Variants in NCEH1 observed in about 807,000 individuals in gnomAD.
NCEH1 encodes the protein neutral cholesterol ester hydrolase 1, also known as 2-acetyl MAGE hydrolase.
NCEH1 carries 9 observed loss-of-function variants against 25.4 expected under a neutral mutation model. The ratio of observed to expected loss-of-function variants is 0.35; its 90% CI spans 0.21 to 0.62. The LOEUF (loss-of-function observed/expected upper bound fraction) is 0.62. NCEH1 is among the 20% of genes least tolerant of loss of function. NCEH1 has a pLI of 0.72. For synonymous variants in NCEH1, 200 were observed against 199.8 expected (o/e 1.00, Z -0.01); for missense variants, 412 against 501.1 (o/e 0.82, Z 1.70).
At chr3:172,636,210 T>C in intron 3 of NCEH1, 123 bp from the exon 4 acceptor site, 3 of 554,082 alleles carry the variant, frequency 5.4e-6, no homozygotes, top group Non-Finnish European at 9.4e-6. Context: ...AATGGAATTA[T>C]TGTATGAAAA....
At chr3:172,670,624 T>C (rs1230797413) in intron 1 of NCEH1, among the ~76,000 whole-genome samples, 1 of 152,210 alleles carries the variant, frequency 6.6e-6, no homozygotes, top group African/African-American at 2.4e-5. Context: ...TGAATAAAGC[T>C]ATTTTTATAA....
At chr3:172,701,707 G>A (rs867599277) in intron 1 of NCEH1, among the ~76,000 whole-genome samples, 50 of 144,882 alleles carry the variant, frequency 3.5e-4, no homozygotes, top group South Asian at 1.5e-3. Context: ...CTTGTGATCC[G>A]CCTGCCTCAG....
chr3:172,659,289 A>G (rs1717855387), intron 1 of NCEH1, among the ~76,000 whole-genome samples: 1 of 119,968 alleles, frequency 8.3e-6, no homozygotes, highest in African/African-American at 4.7e-5. Flanking sequence ...CGGGAGGCTG[A>G]GAGCAAAAGG....
chr3:172,705,940 G>A (rs1490582421), intron 1 of NCEH1, among the ~76,000 whole-genome samples: 1 of 148,404 alleles, frequency 6.7e-6, no homozygotes, highest in African/African-American at 2.5e-5. Context: ...GGAGGTTGCA[G>A]TGAGCTGAGA....
At chr3:172,709,438 A>G (rs1398978550) in intron 1 of NCEH1, among the ~76,000 whole-genome samples, 1 of 152,218 alleles carries the variant, frequency 6.6e-6, no homozygotes, top group Admixed American at 6.5e-5. Flanking sequence ...GGCTTCCTAC[A>G]ACAAGACTGA....
intron 1 of NCEH1, among the ~76,000 whole-genome samples, chr3:172,651,481 A>T (rs1717402339): frequency 6.6e-6 from 1 of 152,086 alleles, no homozygotes; most frequent in Admixed American, 6.5e-5. Flanking sequence ...TACTTCTTTG[A>T]AGGGCTATGA....
chr3:172,694,661 G>C (rs1476810173), intron 1 of NCEH1, among the ~76,000 whole-genome samples: 1 of 152,182 alleles, frequency 6.6e-6, no homozygotes, highest in Non-Finnish European at 1.5e-5. Flanking sequence ...GTGGGGCCCT[G>C]ACAGGCCCAT....
chr3:172,687,291 G>A (rs1712752084), intron 1 of NCEH1, among the ~76,000 whole-genome samples: 1 of 152,084 alleles, frequency 6.6e-6, no homozygotes, highest in Non-Finnish European at 1.5e-5. Flanking sequence ...TCCTGGCTCA[G>A]TTTTCACCCC....
At chr3:172,699,130 G>C (rs1448689833) in intron 1 of NCEH1, among the ~76,000 whole-genome samples, 1 of 152,192 alleles carries the variant, frequency 6.6e-6, no homozygotes, top group Non-Finnish European at 1.5e-5. Flanking sequence ...CCAAGGAAGG[G>C]CAGTGAGAGG....
intron 3 of NCEH1, 56 bp downstream of exon 3, chr3:172,645,567 G>T: frequency 9.2e-7 from 1 of 1,086,388 alleles, no homozygotes; most frequent in Non-Finnish European, 1.4e-6. Context: ...TAACCAGACT[G>T]TTATCTAGAA....
intron 1 of NCEH1, among the ~76,000 whole-genome samples, chr3:172,654,912 T>C (rs1452551168): frequency 1.3e-5 from 2 of 152,234 alleles, no homozygotes; most frequent in African/African-American, 2.4e-5. Flanking sequence ...GAACATTTAT[T>C]TATCTGCATG....
Position 172,652,708 on chromosome 3 carries a change from T to C in NCEH1, c.139-4594A>G, listed in dbSNP as rs138712707. ...AAAGTTTCCTGAAACCTCTATTTCT[T>C]TTTTTTAGACAGAGTCTCACTCTGT... On this transcript the variant is annotated intron_variant, in intron 1 of 4. Coordinates refer to ENST00000475381, the MANE Select transcript of NCEH1 (RefSeq NM_020792.6). 3.1e-3 allele frequency among the ~76,000 whole-genome samples: 467 copies of C among 152,244 alleles called. 1 individual carries two copies. Among genetic ancestry groups the C allele is most frequent in the African/African-American group, 0.01 (422 of 41,548 alleles).
intron 1 of NCEH1, among the ~76,000 whole-genome samples, chr3:172,677,693 C>T (rs1050929480): frequency 2.0e-5 from 3 of 152,214 alleles, no homozygotes; most frequent in Admixed American, 1.3e-4. Flanking sequence ...CTTTGGGAGG[C>T]CGAGGCGGGC....
chr3:172,659,031 CG>C (rs562732251), intron 1 of NCEH1, among the ~76,000 whole-genome samples: 1 of 151,812 alleles, frequency 6.6e-6, no homozygotes, highest in Non-Finnish European at 1.5e-5. Flanking sequence ...TCTCAGACCA[CG>C]GGGGGTCAGT....
chr3:172,698,893 A>G (rs971456260), intron 1 of NCEH1, among the ~76,000 whole-genome samples: 2 of 152,254 alleles, frequency 1.3e-5, no homozygotes, highest in Admixed American at 6.5e-5. Context: ...CACAGTGATA[A>G]TGGAAGCAGA....
At chr3:172,637,707 G>A (rs1716656622) in intron 3 of NCEH1, among the ~76,000 whole-genome samples, 1 of 152,170 alleles carries the variant, frequency 6.6e-6, no homozygotes, top group African/African-American at 2.4e-5. Context: ...TGACCAACAT[G>A]GTGAAAACCC....
intron 1 of NCEH1, among the ~76,000 whole-genome samples, chr3:172,690,070 A>AT (rs1171406093): frequency 6.6e-6 from 1 of 151,376 alleles, no homozygotes; most frequent in Non-Finnish European, 1.5e-5. Context: ...TGCCCGGCTA[A>AT]TTTTTTGTAT....
chr3:172,641,337 A>C (rs1188576918), intron 3 of NCEH1, among the ~76,000 whole-genome samples: 1 of 152,188 alleles, frequency 6.6e-6, no homozygotes, highest in Non-Finnish European at 1.5e-5. Flanking sequence ...GCTTTTACGT[A>C]GGTTTTGTAC....
chr3:172,644,143 TGAGTGACTCTAGGGCTTTG>T (rs1716997751), intron 3 of NCEH1, among the ~76,000 whole-genome samples: 1 of 102,946 alleles, frequency 9.7e-6, no homozygotes, highest in South Asian at 3.2e-4. Flanking sequence ...CTAGGGCTTT[TGAGTGACTCTAGGGCTTTG>T]GGGTGACTCT....
Sources: gnomAD v4.1 joint callset for allele counts (sites outside exome capture counted in the v4.1 genomes callset) on GRCh38, gnomAD v4.1.1 for gene constraint, MANE v1.5 for transcripts, NCBI Gene and HGNC (gene_info 2026-07-23, HGNC 2026-07-21) for gene names.